Variants in VGLL1 observed in about 807,000 individuals in gnomAD.
VGLL1 encodes transcription cofactor vestigial-like protein 1.
A neutral mutation model predicts 12.0 loss-of-function variants in VGLL1; 4 were observed. The observed-to-expected ratio is 0.33, with a 90% CI of 0.16 to 0.76. The LOEUF is 0.76. Ranked by LOEUF, VGLL1 falls within the 30% of genes least tolerant of loss-of-function variation. VGLL1 has a pLI of 0.60. For synonymous variants in VGLL1, 87 were observed against 81.2 expected, an observed-to-expected ratio of 1.07 and a Z score of -0.39; for missense variants, 204 against 208.7, an observed-to-expected ratio of 0.98 and a Z score of 0.14.
intron 1 of VGLL1, among the ~76,000 whole-genome samples, chrX:136,535,322 T>C (rs1193059821): frequency 8.9e-6 from 1 of 112,271 alleles, no homozygotes; most frequent in African/African-American, 3.2e-5. Context: ...CCACCAATGG[T>C]GACAACATTG....
At chrX:136,536,789 C>G (rs1382072329) in intron 2 of VGLL1, among the ~76,000 whole-genome samples, 2 of 112,111 alleles carry the variant, frequency 1.8e-5, no homozygotes, top group African/African-American at 6.5e-5. Context: ...TATTGTATTT[C>G]TAGCATCTAG....
intron 2 of VGLL1, among the ~76,000 whole-genome samples, chrX:136,541,154 T>C (rs2075855153): frequency 8.9e-6 from 1 of 111,968 alleles, no homozygotes; most frequent in Admixed American, 9.4e-5. Flanking sequence ...TTCTGTTTCA[T>C]GGCTGCCATA....
At chrX:136,550,551 G>A (rs2075882761) in intron 3 of VGLL1, 1 of 356,968 alleles carries the variant, frequency 2.8e-6, no homozygotes, top group Non-Finnish European at 4.8e-6. Context: ...GATCTGTTGA[G>A]GAAGTCAGTG....
intron 1 of VGLL1, among the ~76,000 whole-genome samples, chrX:136,535,181 A>G (rs1021822182): frequency 3.6e-5 from 4 of 111,597 alleles, no homozygotes; most frequent in South Asian, 3.8e-4. Flanking sequence ...GATGATACCA[A>G]TGATGGAACC....
chrX:136,538,818 A>G (rs749569154), intron 2 of VGLL1, among the ~76,000 whole-genome samples: 1 of 110,496 alleles, frequency 9.1e-6, no homozygotes, highest in South Asian at 4.0e-4. Flanking sequence ...TTTCTCAGAG[A>G]ATCTTGTGGG....
At chrX:136,539,208 C>T (rs1004735608) in intron 2 of VGLL1, among the ~76,000 whole-genome samples, 1 of 112,188 alleles carries the variant, frequency 8.9e-6, no homozygotes, top group African/African-American at 3.2e-5. Context: ...CATGGTCTCA[C>T]TTTTTCTATT....
intron 2 of VGLL1, among the ~76,000 whole-genome samples, chrX:136,542,270 C>T (rs189075817): frequency 2.7e-4 from 30 of 111,436 alleles, no homozygotes; most frequent in African/African-American, 9.5e-4. Context: ...GTTTATGGCC[C>T]TTGTAAATAC....
chrX:136,542,844 A>G (rs1030831435), intron 2 of VGLL1, among the ~76,000 whole-genome samples: 19 of 111,727 alleles, frequency 1.7e-4, no homozygotes, highest in Admixed American at 1.5e-3. Flanking sequence ...TTTAATACCT[A>G]TAAGGACTAT....
At chrX:136,537,867 G>A (rs945398542) in intron 2 of VGLL1, among the ~76,000 whole-genome samples, 1 of 110,341 alleles carries the variant, frequency 9.1e-6, no homozygotes, top group African/African-American at 3.3e-5. Context: ...CACCCAGCTA[G>A]TATTATTATC....
chrX:136,534,232 A>G (rs1029511251), intron 1 of VGLL1, among the ~76,000 whole-genome samples: 1 of 112,461 alleles, frequency 8.9e-6, no homozygotes, highest in African/African-American at 3.2e-5. Flanking sequence ...TTATCCATTC[A>G]TGTAGTAACC....
chrX:136,553,424 C>A (rs1219477387), intron 4 of VGLL1, among the ~76,000 whole-genome samples: 2 of 106,873 alleles, frequency 1.9e-5, no homozygotes, highest in Admixed American at 2.0e-4. Flanking sequence ...GATTCTCCTG[C>A]CTCAGCCTCC....
intron 2 of VGLL1, among the ~76,000 whole-genome samples, chrX:136,544,611 G>A (rs2075864900): frequency 8.9e-6 from 1 of 112,502 alleles, no homozygotes; most frequent in Non-Finnish European, 1.9e-5. Flanking sequence ...GGGTTGCTGT[G>A]AGGATCACAT....
intron 2 of VGLL1, among the ~76,000 whole-genome samples, chrX:136,538,201 G>A (rs1336029956): frequency 1.8e-5 from 2 of 112,114 alleles, no homozygotes; most frequent in East Asian, 5.5e-4. Flanking sequence ...CACACTAGCA[G>A]GGGCTGTAGT....
intron 4 of VGLL1, among the ~76,000 whole-genome samples, chrX:136,553,234 C>T (rs1412259322): frequency 9.1e-6 from 1 of 110,075 alleles, no homozygotes; most frequent in African/African-American, 3.3e-5. Flanking sequence ...TGTTCACTGC[C>T]CAGATCCTGC....
chrX:136,553,501 G>A (rs763787645), intron 4 of VGLL1, among the ~76,000 whole-genome samples: 1 of 110,422 alleles, frequency 9.1e-6, no homozygotes, highest in South Asian at 3.9e-4. Context: ...TAGTAGAGAT[G>A]GGGTTTCCCC....
At chrX:136,546,289 G>A (rs766937759) in intron 2 of VGLL1, among the ~76,000 whole-genome samples, 3 of 111,993 alleles carry the variant, frequency 2.7e-5, no homozygotes, top group Non-Finnish European at 5.6e-5. Context: ...CACAGGGTAG[G>A]TGGGAGTGGC....
At chrX:136,552,286 C>T (rs1324327381) in intron 4 of VGLL1, among the ~76,000 whole-genome samples, 3 of 111,929 alleles carry the variant, frequency 2.7e-5, no homozygotes, top group Non-Finnish European at 5.6e-5. Flanking sequence ...GATTAATTGG[C>T]CATGCCTCCA....
chrX:136,540,152 G>A, intron 2 of VGLL1, among the ~76,000 whole-genome samples: 1 of 111,463 alleles, frequency 9.0e-6, no homozygotes, highest in South Asian at 3.8e-4. Flanking sequence ...TTCTTAGGAG[G>A]GCAGTCAGAA....
intron 4 of VGLL1, among the ~76,000 whole-genome samples, chrX:136,552,067 G>A (rs1321862305): frequency 9.0e-6 from 1 of 111,635 alleles, no homozygotes; most frequent in Non-Finnish European, 1.9e-5. Flanking sequence ...ACTTTGAGAG[G>A]TATACCACTG....
Sources: allele counts gnomAD v4.1 joint callset (sites outside exome capture counted in the v4.1 genomes callset), GRCh38; gene constraint gnomAD v4.1.1; transcripts MANE v1.5; gene names NCBI Gene and HGNC (gene_info 2026-07-23, HGNC 2026-07-21).